The following KCND2 variants were observed in gnomAD, a reference collection of about 807,000 sequenced individuals.
KCND2 encodes potassium voltage-gated channel subfamily D member 2, also known as A-type voltage-gated potassium channel KCND2.
Under a neutral mutation model 54.4 loss-of-function variants are expected in KCND2, and 16 were observed. The ratio of observed to expected loss-of-function variants is 0.29; its 90% CI spans 0.20 to 0.45. The LOEUF is 0.45. Ranked by LOEUF, KCND2 falls within the 20% of genes least tolerant of loss-of-function variation. The probability of loss-of-function intolerance (pLI) is 1.00; values close to 1 mark genes in which losing one functional copy is unlikely to be tolerated. For missense variants in KCND2, 486 were observed against 824.2 expected (o/e 0.59, Z 5.02); for synonymous variants, 317 against 310.7 (o/e 1.02, Z -0.21).
intron 1 of KCND2, among the ~76,000 whole-genome samples, chr7:120,540,920 A>C (rs903579494): frequency 2.0e-5 from 3 of 152,216 alleles, no homozygotes; most frequent in Non-Finnish European, 2.9e-5. Context: ...TACTGACTTG[A>C]TAGTTTCAGA....
chr7:120,565,180 C>G (rs571037342), intron 1 of KCND2, among the ~76,000 whole-genome samples: 1 of 152,248 alleles, frequency 6.6e-6, no homozygotes, highest in Non-Finnish European at 1.5e-5. Flanking sequence ...GTGAAAAGCA[C>G]TGAAAGGCAC....
At chr7:120,518,131 A>G (rs1282077292) in intron 1 of KCND2, among the ~76,000 whole-genome samples, 1 of 152,192 alleles carries the variant, frequency 6.6e-6, no homozygotes, top group Non-Finnish European at 1.5e-5. Context: ...GAATTAAAAA[A>G]TGAACAGGAA....
intron 1 of KCND2, among the ~76,000 whole-genome samples, chr7:120,293,710 T>C (rs1363948109): frequency 6.6e-6 from 1 of 151,956 alleles, no homozygotes; most frequent in African/African-American, 2.4e-5. Flanking sequence ...TCAGCTCTGC[T>C]TAACATATAT....
chr7:120,552,647 T>A (rs1290953119), intron 1 of KCND2, among the ~76,000 whole-genome samples: 1 of 152,224 alleles, frequency 6.6e-6, no homozygotes, highest in Non-Finnish European at 1.5e-5. Context: ...CCTCCTGGTG[T>A]CCTTGCATCT....
intron 1 of KCND2, among the ~76,000 whole-genome samples, chr7:120,385,327 C>T (rs994469850): frequency 6.6e-6 from 1 of 151,946 alleles, no homozygotes; most frequent in African/African-American, 2.4e-5. Context: ...TAAATCCCAT[C>T]ATTTCGTAAA....
At chr7:120,284,305 A>G (rs1355103249) in intron 1 of KCND2, among the ~76,000 whole-genome samples, 1 of 151,980 alleles carries the variant, frequency 6.6e-6, no homozygotes, top group Non-Finnish European at 1.5e-5. Flanking sequence ...GCACACACAC[A>G]CACGCGCGCA....
chr7:120,429,879 T>G (rs1238233700), intron 1 of KCND2, among the ~76,000 whole-genome samples: 1 of 152,160 alleles, frequency 6.6e-6, no homozygotes, highest in Non-Finnish European at 1.5e-5. Context: ...TTATTTTGAT[T>G]TAGTATAATC....
chr7:120,326,233 G>C (rs1042752764), intron 1 of KCND2, among the ~76,000 whole-genome samples: 9 of 151,984 alleles, frequency 5.9e-5, no homozygotes, highest in Admixed American at 1.3e-4. Flanking sequence ...CTTCCTTTGG[G>C]CTGCCTAGAA....
At chr7:120,395,657 A>G (rs1801143941) in intron 1 of KCND2, among the ~76,000 whole-genome samples, 1 of 152,014 alleles carries the variant, frequency 6.6e-6, no homozygotes, top group Non-Finnish European at 1.5e-5. Flanking sequence ...GCTAAGTAAG[A>G]GGCAGATTAT....
intron 1 of KCND2, among the ~76,000 whole-genome samples, chr7:120,352,827 A>G (rs2116387263): frequency 6.6e-6 from 1 of 152,300 alleles, no homozygotes; most frequent in East Asian, 1.9e-4. Context: ...TAATTTAGAG[A>G]AAAATTCTCA....
chr7:120,295,384 A>G lies in KCND2; in HGVS notation c.1115+19637A>G, dbSNP rs1309679742. ...CACACACACACACACACACACACAC[A>G]CACACACAGACACACACACACACAC... On this transcript the variant is annotated intron_variant, in intron 1 of 5. Transcript: ENST00000331113. Among the ~76,000 whole-genome samples the G allele has an allele frequency of 2.8e-5, 4 of 142,238 alleles. No individual in the cohort carries two copies. In the South Asian group the frequency reaches 8.8e-4, roughly 31 times the overall value. 93.3% of individuals were successfully genotyped at this position (142,238 alleles called of 152,430 possible).
chr7:120,592,775 G>A (rs1174453765), intron 1 of KCND2, among the ~76,000 whole-genome samples: 1 of 152,086 alleles, frequency 6.6e-6, no homozygotes, highest in East Asian at 1.9e-4. Flanking sequence ...GGGTTTCTTG[G>A]CCTAATAAAA....
At chr7:120,517,794 T>C (rs1803217811) in intron 1 of KCND2, among the ~76,000 whole-genome samples, 1 of 152,162 alleles carries the variant, frequency 6.6e-6, no homozygotes, top group Non-Finnish European at 1.5e-5. Flanking sequence ...TGCACTTTGA[T>C]ATAAAACCTC....
rs1803219190 is a variant in KCND2, at chr7:120,517,905, A to G, written c.1116-214998A>G. Among the ~76,000 whole-genome samples, 4 of 152,098 alleles carry G rather than the reference A, an allele frequency of 2.6e-5. 1 individual carries two copies. Among genetic ancestry groups the G allele is most frequent in the Non-Finnish European group, 5.9e-5 (4 of 67,998 alleles). On this transcript the variant is annotated intron_variant, in intron 1 of 5. Coordinates refer to ENST00000331113, the MANE Select transcript of KCND2 (RefSeq NM_012281.3). ...TCGTTTGAATTTTACACTGGCATGTACCAGATGTCTTCTTAGAACACATAA... is the reference window on the plus strand; with the variant it reads ...TCGTTTGAATTTTACACTGGCATGTGCCAGATGTCTTCTTAGAACACATAA...
intron 1 of KCND2, among the ~76,000 whole-genome samples, chr7:120,456,438 ACTTAT>A (rs1374422835): frequency 2.0e-5 from 3 of 152,134 alleles, no homozygotes; most frequent in African/African-American, 7.2e-5. Context: ...ATTCATTTGT[ACTTAT>A]CTTTGAGTTT....
intron 1 of KCND2, among the ~76,000 whole-genome samples, chr7:120,477,277 A>G (rs1802546591): frequency 6.6e-6 from 1 of 152,142 alleles, no homozygotes; most frequent in Admixed American, 6.6e-5. Context: ...AATGTAAACT[A>G]TGGACTTTGC....
intron 1 of KCND2, among the ~76,000 whole-genome samples, chr7:120,397,989 GTGTGTGTATATATA>G (rs1467090570): frequency 7.2e-4 from 29 of 40,362 alleles, no homozygotes; most frequent in African/African-American, 2.0e-4. Context: ...GTGTGTGTGT[GTGTGTGTATATATA>G]TATATATATA....
At chr7:120,520,719 A>C (rs1791680270) in intron 1 of KCND2, among the ~76,000 whole-genome samples, 1 of 152,172 alleles carries the variant, frequency 6.6e-6, no homozygotes, top group Non-Finnish European at 1.5e-5. Context: ...AGAAAAGATG[A>C]AATAGAGACA....
At chr7:120,521,799 C>T (rs1791699160) in intron 1 of KCND2, among the ~76,000 whole-genome samples, 1 of 152,068 alleles carries the variant, frequency 6.6e-6, no homozygotes. Context: ...CATGTATAAA[C>T]ACACGTATAC....
Sources: gnomAD v4.1 joint callset for allele counts (sites outside exome capture counted in the v4.1 genomes callset) on GRCh38, gnomAD v4.1.1 for gene constraint, MANE v1.5 for transcripts, NCBI Gene and HGNC (gene_info 2026-07-23, HGNC 2026-07-21) for gene names.